The following CACNA1E variants were observed in gnomAD, a reference collection of about 807,000 sequenced individuals.
CACNA1E encodes the protein calcium voltage-gated channel subunit alpha1 E.
A neutral mutation model predicts 259.2 loss-of-function variants in CACNA1E; 40 were observed. That is an observed-to-expected ratio of 0.15 (90% CI 0.12 to 0.20). The LOEUF (loss-of-function observed/expected upper bound fraction) is 0.20, where lower values mean the gene tolerates loss of function less well. Ranked by LOEUF, CACNA1E falls within the 10% of genes least tolerant of loss-of-function variation. CACNA1E has a pLI of 1.00. For missense variants in CACNA1E, 1,874 were observed against 3,040.1 expected (o/e 0.62, Z 9.02); for synonymous variants, 1,104 against 1,138.5 (o/e 0.97, Z 0.61).
intron 27 of CACNA1E, 51 bp from the exon 28 acceptor site, chr1:181,755,186 A>T (rs376974027): frequency 1.3e-6 from 2 of 1,545,648 alleles, no homozygotes; most frequent in East Asian, 4.6e-5. Flanking sequence ...CTAGGCAAGT[A>T]TGCAGACCAT....
chr1:181,439,514 G>A (rs529843606), intron 2 of CACNA1E, among the ~76,000 whole-genome samples: 3 of 152,210 alleles, frequency 2.0e-5, no homozygotes, highest in African/African-American at 7.2e-5. Context: ...TCTAGAGGAT[G>A]AACCCCTTAA....
chr1:181,447,652 A>G (rs945859100), intron 2 of CACNA1E, among the ~76,000 whole-genome samples: 1 of 152,218 alleles, frequency 6.6e-6, no homozygotes, highest in Admixed American at 6.5e-5. Context: ...CAAATTTATT[A>G]TCTTACAATT....
chr1:181,621,875 G>A (rs1473836384), intron 6 of CACNA1E, among the ~76,000 whole-genome samples: 1 of 152,116 alleles, frequency 6.6e-6, no homozygotes, highest in Non-Finnish European at 1.5e-5. Context: ...CATAGGTAGG[G>A]GAACCTCTAG....
chr1:181,509,999 G>A (rs900842812), intron 1 of CACNA1E, among the ~76,000 whole-genome samples: 1 of 152,216 alleles, frequency 6.6e-6, no homozygotes, highest in Non-Finnish European at 1.5e-5. Context: ...GACTCCAGTT[G>A]TGAGCCCAGG....
At chr1:181,657,732 G>A (rs547274829) in intron 7 of CACNA1E, among the ~76,000 whole-genome samples, 8 of 152,326 alleles carry the variant, frequency 5.3e-5, no homozygotes, top group African/African-American at 1.4e-4. Context: ...GTAATCCAAC[G>A]ACGTGGTACT....
At chr1:181,415,997 C>T (rs1411380017) in intron 2 of CACNA1E, among the ~76,000 whole-genome samples, 2 of 152,172 alleles carry the variant, frequency 1.3e-5, no homozygotes, top group Non-Finnish European at 2.9e-5. Flanking sequence ...CACAAAGAGA[C>T]GGGATGTCAA....
At chr1:181,532,728 G>A (rs1414963441) in intron 3 of CACNA1E, among the ~76,000 whole-genome samples, 1 of 152,228 alleles carries the variant, frequency 6.6e-6, no homozygotes, top group Non-Finnish European at 1.5e-5. Context: ...TTGAGGAAAG[G>A]AGATCTCTTG....
chr1:181,494,714 T>A (rs1192708118), intron 1 of CACNA1E, among the ~76,000 whole-genome samples: 1 of 152,210 alleles, frequency 6.6e-6, no homozygotes, highest in Non-Finnish European at 1.5e-5. Flanking sequence ...ATCCAAAGTT[T>A]AAGTGATTTC....
intron 3 of CACNA1E, among the ~76,000 whole-genome samples, chr1:181,540,954 G>A (rs996081053): frequency 6.6e-6 from 1 of 152,170 alleles, no homozygotes; most frequent in Admixed American, 6.5e-5. Flanking sequence ...GTATTCAAAT[G>A]CTCATTGGAG....
At chr1:181,690,934 G>C (rs923555298) in intron 7 of CACNA1E, among the ~76,000 whole-genome samples, 2 of 151,774 alleles carry the variant, frequency 1.3e-5, no homozygotes, top group African/African-American at 4.8e-5. Flanking sequence ...TGGTGTTATG[G>C]AGTTTACTCT....
chr1:181,582,081 G>A (rs1323343074), intron 6 of CACNA1E, among the ~76,000 whole-genome samples: 1 of 152,212 alleles, frequency 6.6e-6, no homozygotes, highest in East Asian at 1.9e-4. Context: ...GTAAAAGGAA[G>A]TACTTAGTAG....
At chr1:181,461,203 A>T in intron 2 of CACNA1E, among the ~76,000 whole-genome samples, 1 of 152,180 alleles carries the variant, frequency 6.6e-6, no homozygotes, top group Non-Finnish European at 1.5e-5. Context: ...TCAAAACAGT[A>T]TCGGTTTATG....
At chr1:181,657,671 T>C (rs953354975) in intron 7 of CACNA1E, among the ~76,000 whole-genome samples, 8 of 152,196 alleles carry the variant, frequency 5.3e-5, no homozygotes, top group African/African-American at 1.9e-4. Context: ...GGGGGAAGGA[T>C]TGGCATGGAG....
At chr1:181,377,290 G>C (rs1010157473) in intron 1 of CACNA1E, among the ~76,000 whole-genome samples, 10 of 152,182 alleles carry the variant, frequency 6.6e-5, no homozygotes, top group Admixed American at 6.5e-4. Context: ...GAGTTGGGTG[G>C]AAGGGGAGAT....
intron 2 of CACNA1E, among the ~76,000 whole-genome samples, chr1:181,462,149 A>G (rs568493011): frequency 6.6e-6 from 1 of 152,296 alleles, no homozygotes; most frequent in South Asian, 2.1e-4. Context: ...CAAGTTCCTT[A>G]TTGTTTTTCA....
chr1:181,422,885 T>A (rs1658860629), intron 2 of CACNA1E, among the ~76,000 whole-genome samples: 2 of 152,110 alleles, frequency 1.3e-5, no homozygotes, highest in African/African-American at 4.8e-5. Context: ...CATGCCCCCA[T>A]GCCTAGCAAC....
intron 10 of CACNA1E, 28 bp from the exon 11 acceptor site, chr1:181,717,065 C>A (rs1346972149): frequency 6.3e-7 from 1 of 1,597,416 alleles, no homozygotes; most frequent in African/African-American, 1.3e-5. Flanking sequence ...ATTTTGCAGT[C>A]TCATTCTTCC....
intron 6 of CACNA1E, among the ~76,000 whole-genome samples, chr1:181,634,934 A>C (rs993590147): frequency 6.6e-6 from 1 of 152,044 alleles, no homozygotes; most frequent in East Asian, 1.9e-4. Flanking sequence ...CCTTTTCCTC[A>C]TAAGCCGATC....
In CACNA1E at chr1:181,639,149, A is replaced by G. The variant is rs1657514642; in HGVS notation, c.952-12189A>G. On this transcript the variant is annotated intron_variant, in intron 6 of 47. Transcript: ENST00000367573. The stretch of plus-strand genomic sequence containing the variant: ...GTCTCCCAGGCTGGAGTGCATTGGC[A>G]TGATCTTGGCTCACTGCAAGCTCCG... Among the ~76,000 whole-genome samples, 4 of 150,926 alleles carry G rather than the reference A, an allele frequency of 2.7e-5. No individual in the cohort carries two copies. In the South Asian group the frequency reaches 8.4e-4, roughly 32 times the overall value.
Sources: gnomAD v4.1 joint callset for allele counts (sites outside exome capture counted in the v4.1 genomes callset) on GRCh38, gnomAD v4.1.1 for gene constraint, MANE v1.5 for transcripts, NCBI Gene and HGNC (gene_info 2026-07-23, HGNC 2026-07-21) for gene names.